The following CACNA1B variants were observed in gnomAD, a reference collection of about 807,000 sequenced individuals.
The protein encoded by CACNA1B is voltage-dependent N-type calcium channel subunit alpha-1B.
A neutral mutation model predicts 247.2 loss-of-function variants in CACNA1B; 70 were observed. That is an observed-to-expected ratio of 0.28 (90% confidence interval 0.23 to 0.35). The LOEUF is 0.35. Ranked by LOEUF, CACNA1B falls within the 10% of genes least tolerant of loss-of-function variation. The pLI is 1.00. For missense variants in CACNA1B, 2,367 were observed against 3,197.4 expected (o/e 0.74, Z 6.26); for synonymous variants, 1,231 against 1,294.4 (o/e 0.95, Z 1.05).
At chr9:138,101,339 G>A (rs995483924) in intron 37 of CACNA1B, 10 of 429,478 alleles carry the variant, frequency 2.3e-5, no homozygotes, top group South Asian at 5.1e-5. Flanking sequence ...CCTCCTGGAC[G>A]CTTTGGTTCC....
chr9:137,969,689 T>C (rs957221630), intron 10 of CACNA1B, among the ~76,000 whole-genome samples: 2 of 152,202 alleles, frequency 1.3e-5, no homozygotes, highest in Non-Finnish European at 2.9e-5. Context: ...AGCATCTCAT[T>C]GGATCTTCAA....
chr9:137,953,897 G>T (rs1328238935), intron 7 of CACNA1B, among the ~76,000 whole-genome samples: 1 of 152,118 alleles, frequency 6.6e-6, no homozygotes, highest in East Asian at 1.9e-4. Context: ...TGGTGCCAAA[G>T]GTGCTGAGAA....
At chr9:138,111,953 T>TA (rs1254964086) in intron 39 of CACNA1B, among the ~76,000 whole-genome samples, 1 of 146,486 alleles carries the variant, frequency 6.8e-6, no homozygotes, top group African/African-American at 2.5e-5. Flanking sequence ...TTTTTTTTTT[T>TA]ACTTATTACT....
At chr9:138,114,660 C>T (rs565586185) in intron 41 of CACNA1B, among the ~76,000 whole-genome samples, 170 bp downstream of exon 41, 2 of 152,276 alleles carry the variant, frequency 1.3e-5, no homozygotes, top group African/African-American at 4.8e-5. Flanking sequence ...TCAGAAACTA[C>T]ACACAGCCTT....
At chr9:137,883,079 A>G (rs1292146759) in intron 3 of CACNA1B, 196 bp downstream of exon 3, 1 of 631,538 alleles carries the variant, frequency 1.6e-6, no homozygotes, top group Non-Finnish European at 2.8e-6. Flanking sequence ...CAGGGGTGCC[A>G]GTGCTGTATT....
chr9:137,884,725 C>T (rs529133473), intron 3 of CACNA1B, among the ~76,000 whole-genome samples: 13 of 152,136 alleles, frequency 8.5e-5, no homozygotes, highest in Non-Finnish European at 1.5e-4. Flanking sequence ...TGGCAGCACC[C>T]GGCCTCATGG....
At chr9:137,964,313 CTT>C (rs1313801596) in intron 10 of CACNA1B, among the ~76,000 whole-genome samples, 1 of 152,222 alleles carries the variant, frequency 6.6e-6, no homozygotes, top group Non-Finnish European at 1.5e-5. Context: ...CTCCCTGTCT[CTT>C]TAAGTTATCC....
chr9:138,050,785 G>A lies in CACNA1B; in HGVS notation c.3711-1307G>A, dbSNP rs1348404363. Among the ~76,000 whole-genome samples, 1 of 152,188 alleles carries A rather than the reference G, an allele frequency of 6.6e-6. No individual in the cohort carries two copies. The highest frequency in any genetic ancestry group is 1.5e-5 in the Non-Finnish European group (1 of 68,040). Reference sequence around the variant, plus strand: ...TCAGCTGGCGGAGGAGCTGGTTTGAGAGTGGGTGTCGGGAGCACTGGGGTG... The same window carrying A: ...TCAGCTGGCGGAGGAGCTGGTTTGAAAGTGGGTGTCGGGAGCACTGGGGTG... On this transcript the variant is annotated intron_variant, in intron 24 of 46. Transcript: ENST00000371372. This position sits in a 1 kb window ranked among gnomAD's most constrained non-coding sequence, Gnocchi z 5.2.
In CACNA1B at chr9:138,014,036, G is replaced by A. The variant is rs1460338757; in HGVS notation, c.2267+801G>A. On this transcript the variant is annotated intron_variant, in intron 18 of 46. Transcript: ENST00000371372. This position sits in a 1 kb window ranked among gnomAD's most constrained non-coding sequence, Gnocchi z 6.2. ...ATGGGCGGGCCCCAGCTCTTCAGCC[G>A]GCCACCCGCCCTGCCGTGAACACGG... 2.0e-5 allele frequency among the ~76,000 whole-genome samples: 3 copies of A among 152,248 alleles called. No individual in the cohort carries two copies. Among genetic ancestry groups the A allele is most frequent in the Non-Finnish European group, 4.4e-5 (3 of 68,044 alleles).
intron 34 of CACNA1B, among the ~76,000 whole-genome samples, 194 bp from the exon 35 acceptor site, chr9:138,075,625 T>G (rs1321376170): frequency 6.6e-6 from 1 of 152,178 alleles, no homozygotes; most frequent in Non-Finnish European, 1.5e-5. Context: ...AGCCGGCACA[T>G]GTGTAGCTAC....
intron 36 of CACNA1B, among the ~76,000 whole-genome samples, chr9:138,083,635 G>A (rs1257991053): frequency 6.8e-6 from 1 of 146,776 alleles, no homozygotes; most frequent in African/African-American, 2.6e-5. Flanking sequence ...GGGCTGAACT[G>A]ACATGGTACC....
chr9:137,979,479 T>C (rs1958268572), intron 12 of CACNA1B, among the ~76,000 whole-genome samples: 1 of 152,082 alleles, frequency 6.6e-6, no homozygotes. Context: ...AGTTTTGCCA[T>C]AGTCTTTTAG....
intron 36 of CACNA1B, among the ~76,000 whole-genome samples, chr9:138,085,447 AG>A (rs1397896486): frequency 6.6e-6 from 1 of 151,158 alleles, no homozygotes; most frequent in African/African-American, 2.4e-5. Flanking sequence ...AGAAGGGAAA[AG>A]GTATAGAAAA....
chr9:138,026,836 G>A (rs1958927544), intron 20 of CACNA1B, among the ~76,000 whole-genome samples: 1 of 152,168 alleles, frequency 6.6e-6, no homozygotes, highest in African/African-American at 2.4e-5. Context: ...ATCTTTATAA[G>A]AAACTGACAA....
rs1336364088 is a variant in CACNA1B at position 138,007,798 on chromosome 9, C to T, written c.2092+914C>T. On this transcript the variant is annotated intron_variant, in intron 16 of 46. Coordinates refer to ENST00000371372, the MANE Select transcript of CACNA1B (RefSeq NM_000718.4). The surrounding 1 kb of genome is among the most constrained non-coding windows in gnomAD (Gnocchi z 4.1). ...GCTGGAGACAATGTCTCACAGTCGA[C>T]CTCCCGGCTCTGCTTCTACCCCGAA... Among the ~76,000 whole-genome samples the T allele has an allele frequency of 1.3e-5, 2 of 152,202 alleles. No homozygotes were observed. Among genetic ancestry groups the T allele is most frequent in the African/African-American group, 4.8e-5 (2 of 41,446 alleles).
chr9:138,064,808 A>G (rs1223856449), intron 31 of CACNA1B, among the ~76,000 whole-genome samples: 4 of 152,152 alleles, frequency 2.6e-5, no homozygotes, highest in African/African-American at 4.8e-5. Flanking sequence ...CTTCTTCCCA[A>G]AGGAATCCCT....
chr9:138,097,788 A>G (rs1961104723), intron 37 of CACNA1B, among the ~76,000 whole-genome samples: 1 of 152,158 alleles, frequency 6.6e-6, no homozygotes, highest in African/African-American at 2.4e-5. Context: ...GTGAGGTCCT[A>G]CTGCCCACAG....
At chr9:138,067,420 G>A (rs772145577) in intron 31 of CACNA1B, among the ~76,000 whole-genome samples, 2 of 152,228 alleles carry the variant, frequency 1.3e-5, no homozygotes, top group South Asian at 2.1e-4. Context: ...AGAAGAGAAG[G>A]CTGGGTGCAA....
chr9:138,068,736 C>A, intron 31 of CACNA1B: 1 of 456,600 alleles, frequency 2.2e-6, no homozygotes, highest in Non-Finnish European at 4.4e-6. Context: ...GCGGGAACTG[C>A]TGACTGCTGA....
Sources: allele counts gnomAD v4.1 joint callset (sites outside exome capture counted in the v4.1 genomes callset), GRCh38; gene constraint gnomAD v4.1.1; non-coding constraint Gnocchi (gnomAD v3.1); transcripts MANE v1.5; gene names NCBI Gene and HGNC (gene_info 2026-07-23, HGNC 2026-07-21).